GNS: variants seen among roughly 807,000 people sequenced by gnomAD.
GNS encodes N-acetylglucosamine-6-sulfatase.
A neutral mutation model predicts 69.7 loss-of-function variants in GNS; 40 were observed. The ratio of observed to expected loss-of-function variants is 0.57; its 90% CI spans 0.45 to 0.75. The LOEUF (loss-of-function observed/expected upper bound fraction) is 0.75. Among genes scored for constraint, GNS ranks in the 30% least tolerant of loss-of-function variants. The pLI, the probability that GNS is intolerant of heterozygous loss-of-function variation, is 0.00. For missense variants in GNS, 565 were observed against 685.5 expected, an observed-to-expected ratio of 0.82 and a Z score of 1.96; for synonymous variants, 243 against 251.6, an observed-to-expected ratio of 0.97 and a Z score of 0.32.
At chr12:64,719,983 A>C in intron 13 of GNS, 39 bp downstream of exon 13, 3 of 1,507,800 alleles carry the variant, frequency 2.0e-6, no homozygotes, top group Non-Finnish European at 2.8e-6. Flanking sequence ...GTCTACTAGA[A>C]AAAACTTGGC....
At chr12:64,748,658 C>T (rs1168901766) in intron 2 of GNS, among the ~76,000 whole-genome samples, 2 of 152,176 alleles carry the variant, frequency 1.3e-5, no homozygotes, top group Non-Finnish European at 2.9e-5. Context: ...ATTTTATACA[C>T]TGGACACAGA....
In GNS at chr12:64,751,425, T is replaced by C. The variant is rs201266227; in HGVS notation, c.252+1273A>G. 3.0e-4 allele frequency among the ~76,000 whole-genome samples: 45 copies of C among 152,352 alleles called. No homozygotes were observed. The East Asian group carries it at 4.4e-3, about 15-fold the overall frequency. ...TTACCTCTTATTTCCATAAGACTTATGGCTATGACTAGACAGTCGGAACAA... is the reference window on the plus strand; with the variant it reads ...TTACCTCTTATTTCCATAAGACTTACGGCTATGACTAGACAGTCGGAACAA... On this transcript the variant is annotated intron_variant, in intron 2 of 13. Coordinates refer to ENST00000258145, the MANE Select transcript of GNS (RefSeq NM_002076.4).
intron 6 of GNS, among the ~76,000 whole-genome samples, chr12:64,742,432 A>G (rs1869775680): frequency 6.6e-6 from 1 of 152,250 alleles, no homozygotes; most frequent in Non-Finnish European, 1.5e-5. Context: ...GAATTCATAC[A>G]GTAGTTCCAT....
At chr12:64,724,852 C>G (rs909309410) in intron 10 of GNS, among the ~76,000 whole-genome samples, 6 of 152,146 alleles carry the variant, frequency 3.9e-5, no homozygotes, top group Admixed American at 6.5e-5. Flanking sequence ...CAGAGCGAGA[C>G]TCTGTCTCGG....
chr12:64,749,381 T>C (rs1019734354), intron 2 of GNS, among the ~76,000 whole-genome samples: 7 of 150,420 alleles, frequency 4.7e-5, no homozygotes, highest in Non-Finnish European at 8.8e-5. Flanking sequence ...GCCTCCCAAG[T>C]AGCTGGGACT....
rs886049766 is a variant in GNS, at chr12:64,715,915, C to T, written c.*826G>A. On this transcript the variant is annotated 3_prime_UTR_variant, in exon 14 of 14. Coordinates refer to ENST00000258145, the MANE Select transcript of GNS (RefSeq NM_002076.4). ...TGGCAGTTCTTCACTGCTGATGTTCCTAAGCCACTTCATTTTTCAGATCTC... is the reference window on the plus strand; with the variant it reads ...TGGCAGTTCTTCACTGCTGATGTTCTTAAGCCACTTCATTTTTCAGATCTC... 6.6e-6 allele frequency: 1 copy of T among 152,350 alleles called. No individual in the cohort carries two copies. Among genetic ancestry groups the T allele is most frequent in the Non-Finnish European group, 1.5e-5 (1 of 68,158 alleles). The allele number at this position is 152,350 out of a possible 1,614,324, so 9.4% of individuals were successfully genotyped here.
intron 2 of GNS, among the ~76,000 whole-genome samples, chr12:64,749,938 C>T (rs1012078837): frequency 6.9e-6 from 1 of 144,304 alleles, no homozygotes; most frequent in East Asian, 2.0e-4. Flanking sequence ...TACAGTGGTG[C>T]GATCTCAGCT....
Position 64,722,981 on chromosome 12 carries a change from TAAGTTG to T in GNS, c.1308+19_1308+24del. On this transcript the variant is annotated intron_variant, in intron 11 of 13. Transcript: ENST00000258145. Reference sequence around the variant, plus strand: ...CCATGTTGTCAGTGAGAAAGCTGTCTAAGTTGATTCAAGCTATTACTCACAGATACG... The same window carrying T: ...CCATGTTGTCAGTGAGAAAGCTGTCTATTCAAGCTATTACTCACAGATACG... The T allele has an allele frequency of 2.2e-6, 3 of 1,337,952 alleles. No individual in the cohort carries two copies. The highest frequency in any genetic ancestry group is 3.2e-6 in the Non-Finnish European group (3 of 927,310). The allele number at this position is 1,337,952 out of a possible 1,614,324, so 82.9% of individuals were successfully genotyped here.
intron 9 of GNS, among the ~76,000 whole-genome samples, chr12:64,731,844 G>T (rs905292017): frequency 6.6e-6 from 1 of 152,138 alleles, no homozygotes; most frequent in Non-Finnish European, 1.5e-5. Context: ...GCCAAGGCAG[G>T]AGGATCACTT....
chr12:64,728,948 A>G lies in GNS; in HGVS notation c.1200+8T>C, dbSNP rs768052687. The stretch of plus-strand genomic sequence containing the variant: ...TGGCTCAGGCCTGATTGAGGGCGCT[A>G]TACTTACCAAAATGGGCAATAAGGA... On this transcript the variant is annotated splice_region_variant and intron_variant, in intron 10 of 13. Coordinates refer to ENST00000258145, the MANE Select transcript of GNS (RefSeq NM_002076.4). The G allele has an allele frequency of 7.4e-7, 1 of 1,357,824 alleles. No homozygotes were observed. Among genetic ancestry groups the G allele is most frequent in the Admixed American group, 1.7e-5 (1 of 59,744 alleles). The allele number at this position is 1,357,824 out of a possible 1,614,324, so 84.1% of individuals were successfully genotyped here.
At chr12:64,749,524 T>C (rs567754859) in intron 2 of GNS, among the ~76,000 whole-genome samples, 116 of 152,220 alleles carry the variant, frequency 7.6e-4, no homozygotes, top group Non-Finnish European at 1.3e-3. Flanking sequence ...AGTGCTGGGA[T>C]TATAGGCGTG....
chr12:64,731,459 C>A (rs777072313), intron 9 of GNS, among the ~76,000 whole-genome samples: 4 of 152,152 alleles, frequency 2.6e-5, no homozygotes, highest in Non-Finnish European at 5.9e-5. Context: ...AGATTCAGCA[C>A]AAGTACCGTA....
At chr12:64,756,815 CCTCCA>C in intron 1 of GNS, 2 of 924,340 alleles carry the variant, frequency 2.2e-6, no homozygotes, top group Non-Finnish European at 3.4e-6. Context: ...TGACTTATGC[CCTCCA>C]CTCAATTTTG....
At position 64,759,181 on chromosome 12, in the gene GNS, G is replaced by A; in HGVS notation, c.96C>T (p.Gly32=). The A allele has an allele frequency of 7.7e-6, 12 of 1,550,662 alleles. No homozygotes were observed. Among genetic ancestry groups the A allele is most frequent in the Non-Finnish European group, 1.0e-5 (12 of 1,147,370 alleles). ...CSPALLLLVL[G]GCLGVFGVAA... ...CCACCCCGAAGACCCCCAGGCAGCC[G>A]CCCAGCACCAGCAGTAGCAGCGCTG... Residue 32 remains glycine (G), a synonymous_variant, in exon 1 of 14, where the codon GGC becomes GGT. Transcript: ENST00000258145.
intron 11 of GNS, 60 bp from the exon 12 acceptor site, chr12:64,721,765 T>C: frequency 1.1e-6 from 1 of 912,808 alleles, no homozygotes; most frequent in South Asian, 1.3e-5. Context: ...AAATACCTAG[T>C]TGCCTAGAAG....
At chr12:64,725,633 C>A (rs1416132570) in intron 10 of GNS, among the ~76,000 whole-genome samples, 2 of 152,174 alleles carry the variant, frequency 1.3e-5, no homozygotes, top group African/African-American at 4.8e-5. Context: ...ACTTAGAGAA[C>A]TGTGCAGAGA....
chr12:64,721,498 G>A (rs560401141), intron 12 of GNS, 97 bp downstream of exon 12: 1 of 769,756 alleles, frequency 1.3e-6, no homozygotes, highest in Non-Finnish European at 2.4e-6. Context: ...CTCTTCCCTA[G>A]GGAGCAGCCT....
intron 11 of GNS, 129 bp from the exon 12 acceptor site, chr12:64,721,834 T>C (rs1349560146): frequency 1.4e-6 from 1 of 714,606 alleles, no homozygotes; most frequent in Non-Finnish European, 2.6e-6. Flanking sequence ...AAACCTTCCA[T>C]GGGGAAGCCA....
chr12:64,753,575 G>A (rs1241500973), intron 1 of GNS, among the ~76,000 whole-genome samples: 2 of 152,166 alleles, frequency 1.3e-5, no homozygotes, highest in Non-Finnish European at 2.9e-5. Context: ...AGATACCTTT[G>A]AAACCTAAGA....
Sources: allele counts gnomAD v4.1 joint callset (sites outside exome capture counted in the v4.1 genomes callset), GRCh38; gene constraint gnomAD v4.1.1; transcripts MANE v1.5; gene names NCBI Gene and HGNC (gene_info 2026-07-23, HGNC 2026-07-21).